Variants in MGAT4C observed in about 807,000 individuals in gnomAD.
The protein encoded by MGAT4C is alpha-1,3-mannosyl-glycoprotein 4-beta-N-acetylglucosaminyltransferase C.
MGAT4C carries 19 observed loss-of-function variants against 40.1 expected under a neutral mutation model. The ratio of observed to expected loss-of-function variants is 0.47; its 90% CI spans 0.33 to 0.70. The LOEUF (loss-of-function observed/expected upper bound fraction) is 0.70. Among genes scored for constraint, MGAT4C ranks in the 30% least tolerant of loss-of-function variants. MGAT4C has a pLI of 0.02. For missense variants in MGAT4C, 491 were observed against 563.2 expected (o/e 0.87, Z 1.30); for synonymous variants, 181 against 187.1 (o/e 0.97, Z 0.27).
intron 2 of MGAT4C, among the ~76,000 whole-genome samples, chr12:86,614,488 T>C (rs1404654602): frequency 6.6e-6 from 1 of 152,166 alleles, no homozygotes; most frequent in East Asian, 1.9e-4. Flanking sequence ...TAATTCTTAG[T>C]TATATATCAT....
At chr12:86,830,821 A>G (rs893043810) in intron 1 of MGAT4C, among the ~76,000 whole-genome samples, 5 of 151,796 alleles carry the variant, frequency 3.3e-5, no homozygotes, top group Non-Finnish European at 5.9e-5. Flanking sequence ...CTCCTCCTAA[A>G]GAGGAGCTGT....
intron 3 of MGAT4C, among the ~76,000 whole-genome samples, chr12:86,380,255 A>T (rs1007622705): frequency 6.6e-6 from 1 of 152,174 alleles, no homozygotes; most frequent in Admixed American, 6.5e-5. Flanking sequence ...CTTCACACTG[A>T]CATTAAAAAT....
At chr12:86,255,843 T>A (rs1322139241) in intron 1 of MGAT4C, among the ~76,000 whole-genome samples, 1 of 152,134 alleles carries the variant, frequency 6.6e-6, no homozygotes, top group Non-Finnish European at 1.5e-5. Flanking sequence ...TCATTTTAAG[T>A]CTACAGCAAC....
chr12:86,602,306 A>C (rs1373873904), intron 2 of MGAT4C, among the ~76,000 whole-genome samples: 1 of 152,148 alleles, frequency 6.6e-6, no homozygotes. Flanking sequence ...GTGGCTGGCG[A>C]AGCCATACCC....
chr12:85,980,388 C>T lies in MGAT4C; in HGVS notation c.338G>A (p.Gly113Glu). Residue 113 changes from glycine to glutamate, a missense_variant, in exon 5 of 5, where the codon GGA becomes GAA. Transcript: ENST00000611864. ...IGLSSVKRKK[G>E]NYLLETIKSI... is the part of the protein sequence containing the mutation. ...CTTAATTGTCTCAAGTAAATAGTTT[C>T]CTTTTTTTCGCTTTACTGAAGAAAG... The T allele has an allele frequency of 6.2e-7, 1 of 1,607,834 alleles. No individual in the cohort carries two copies. The highest frequency in any genetic ancestry group is 8.5e-7 in the Non-Finnish European group (1 of 1,177,504).
chr12:86,289,010 GCCTAAGTTGTCT>G (rs1469106649), intron 4 of MGAT4C, among the ~76,000 whole-genome samples: 1 of 152,110 alleles, frequency 6.6e-6, no homozygotes, highest in Non-Finnish European at 1.5e-5. Context: ...GAATGGTATT[GCCTAAGTTGTCT>G]CCCAGGGTTT....
intron 3 of MGAT4C, among the ~76,000 whole-genome samples, chr12:86,431,044 G>A (rs559830728): frequency 6.6e-6 from 1 of 152,190 alleles, no homozygotes; most frequent in Non-Finnish European, 1.5e-5. Flanking sequence ...TCTTCAAAAA[G>A]GGAGGAGATT....
intron 1 of MGAT4C, among the ~76,000 whole-genome samples, chr12:86,209,585 CT>C (rs530430017): frequency 1.5e-3 from 227 of 152,168 alleles, no homozygotes; most frequent in African/African-American, 5.2e-3. Flanking sequence ...TTCTTTTCAT[CT>C]TCATATTTAA....
intron 1 of MGAT4C, among the ~76,000 whole-genome samples, chr12:86,759,668 C>T (rs1035069331): frequency 1.3e-5 from 2 of 151,994 alleles, no homozygotes; most frequent in Non-Finnish European, 2.9e-5. Flanking sequence ...ACCTGTTGGC[C>T]ATGTGTATTT....
intron 1 of MGAT4C, among the ~76,000 whole-genome samples, chr12:86,205,015 G>T (rs1950196964): frequency 6.6e-6 from 1 of 151,848 alleles, no homozygotes. Flanking sequence ...ATGGCACAGA[G>T]AAAAATGTTG....
intron 2 of MGAT4C, among the ~76,000 whole-genome samples, chr12:86,646,196 A>G (rs887037140): frequency 6.6e-6 from 1 of 151,904 alleles, no homozygotes; most frequent in Non-Finnish European, 1.5e-5. Context: ...TATAAAATCT[A>G]TTAGCGAAGC....
rs1000983022 is a variant in MGAT4C at position 85,962,553 on chromosome 12, G to A, written c.*16736C>T. The A allele has an allele frequency of 6.7e-6, 1 of 150,132 alleles. No individual in the cohort carries two copies. Among genetic ancestry groups the A allele is most frequent in the Non-Finnish European group, 1.5e-5 (1 of 67,312 alleles). 9.3% of individuals were successfully genotyped at this position (150,132 alleles called of 1,614,324 possible). A position where few individuals can be genotyped will look rare whatever the true frequency, so the allele number is the denominator to read the frequency against. On this transcript the variant is annotated 3_prime_UTR_variant, in exon 5 of 5. Coordinates refer to ENST00000611864, the MANE Select transcript of MGAT4C (RefSeq NM_001351288.2). ...CTAAATGTATAATACATTTAGTAATGTGATTTGACAAATCACATTTGTCAA... is the reference window on the plus strand; with the variant it reads ...CTAAATGTATAATACATTTAGTAATATGATTTGACAAATCACATTTGTCAA...
At chr12:86,144,072 G>A (rs1037171586) in intron 1 of MGAT4C, among the ~76,000 whole-genome samples, 1 of 152,180 alleles carries the variant, frequency 6.6e-6, no homozygotes, top group Non-Finnish European at 1.5e-5. Context: ...GCTGAAGAGG[G>A]AGCCACTAGG....
At chr12:86,295,954 C>T (rs1377215749) in intron 4 of MGAT4C, among the ~76,000 whole-genome samples, 1 of 148,692 alleles carries the variant, frequency 6.7e-6, no homozygotes, top group Non-Finnish European at 1.5e-5. Context: ...TCCAAGGCCC[C>T]ACCAGAGCAG....
intron 2 of MGAT4C, among the ~76,000 whole-genome samples, chr12:86,480,541 CATAT>C (rs76171904): frequency 6.0e-4 from 74 of 124,122 alleles, no homozygotes; most frequent in African/African-American, 1.8e-3. Flanking sequence ...TACACAAATA[CATAT>C]GTATGTATAC....
chr12:86,140,029 C>A (rs1027643505), intron 1 of MGAT4C, among the ~76,000 whole-genome samples: 3 of 151,826 alleles, frequency 2.0e-5, no homozygotes, highest in Non-Finnish European at 4.4e-5. Flanking sequence ...TTGCCCTGAC[C>A]TCTCCCTCAT....
At chr12:86,584,028 T>C (rs1337571000) in intron 2 of MGAT4C, among the ~76,000 whole-genome samples, 2 of 150,910 alleles carry the variant, frequency 1.3e-5, no homozygotes, top group East Asian at 1.9e-4. Context: ...CAGAAGATAA[T>C]TGGCTCATAG....
chr12:86,187,654 G>T (rs144139130), intron 1 of MGAT4C, among the ~76,000 whole-genome samples: 70 of 151,654 alleles, frequency 4.6e-4, no homozygotes, highest in African/African-American at 1.5e-3. Flanking sequence ...CTAAAAAAGG[G>T]CCTATAACGG....
intron 2 of MGAT4C, among the ~76,000 whole-genome samples, chr12:86,717,622 G>T (rs1281307655): frequency 6.6e-6 from 1 of 152,008 alleles, no homozygotes. Flanking sequence ...TCATCTCTTG[G>T]AAAGTCATTA....
Sources: gnomAD v4.1 joint callset for allele counts (sites outside exome capture counted in the v4.1 genomes callset) on GRCh38, gnomAD v4.1.1 for gene constraint, MANE v1.5 for transcripts, NCBI Gene and HGNC (gene_info 2026-07-23, HGNC 2026-07-21) for gene names.